The following LEF1 variants were observed in gnomAD, a reference collection of about 807,000 sequenced individuals.
The protein encoded by LEF1 is lymphoid enhancer-binding factor 1.
LEF1 carries 14 observed loss-of-function variants against 51.2 expected under a neutral mutation model. The observed-to-expected ratio is 0.27, with a 90% CI of 0.18 to 0.43. The LOEUF is 0.43. LEF1 is among the 20% of genes least tolerant of loss of function. The probability of loss-of-function intolerance (pLI) is 1.00; values close to 1 mark genes in which losing one functional copy is unlikely to be tolerated. For synonymous variants in LEF1, 185 were observed against 183.2 expected (o/e 1.01, Z -0.08); for missense variants, 386 against 512.0 (o/e 0.75, Z 2.37).
At chr4:108,166,864 T>A (rs1745432126) in intron 1 of LEF1, 1 of 975,604 alleles carries the variant, frequency 1.0e-6, no homozygotes, top group South Asian at 4.7e-5. Context: ...ACAGCCAGGG[T>A]GTACCCTTGC....
chr4:108,066,035 T>C (rs1271448622), intron 9 of LEF1, among the ~76,000 whole-genome samples: 1 of 152,158 alleles, frequency 6.6e-6, no homozygotes, highest in Non-Finnish European at 1.5e-5. Flanking sequence ...CCCAAGTAGC[T>C]GGGATTATAG....
chr4:108,154,410 G>A (rs1744552859), intron 3 of LEF1, among the ~76,000 whole-genome samples: 1 of 123,514 alleles, frequency 8.1e-6, no homozygotes, highest in Non-Finnish European at 1.6e-5. Context: ...ACCCTGTAAG[G>A]TGCCTCGCAC....
chr4:108,053,716 G>A (rs1057218381), intron 11 of LEF1, among the ~76,000 whole-genome samples: 2 of 152,186 alleles, frequency 1.3e-5, no homozygotes, highest in Admixed American at 6.5e-5. Flanking sequence ...CTATTGGTAG[G>A]CCAGACCTCC....
At chr4:108,122,031 AAC>A (rs1024737680) in intron 3 of LEF1, among the ~76,000 whole-genome samples, 1 of 152,208 alleles carries the variant, frequency 6.6e-6, no homozygotes, top group Non-Finnish European at 1.5e-5. Flanking sequence ...GAAGTTTTTT[AAC>A]ACACTATTCA....
chr4:108,099,556 ATGTGTGTGTG>A (rs1245005290), intron 3 of LEF1, among the ~76,000 whole-genome samples: 1 of 49,670 alleles, frequency 2.0e-5, no homozygotes, highest in Non-Finnish European at 4.0e-5. Flanking sequence ...GTGTGTGTGT[ATGTGTGTGTG>A]TGTGTATATA....
At chr4:108,081,189 A>C (rs1739274131) in intron 6 of LEF1, among the ~76,000 whole-genome samples, 1 of 152,148 alleles carries the variant, frequency 6.6e-6, no homozygotes, top group Non-Finnish European at 1.5e-5. Flanking sequence ...TCCACAAAGG[A>C]AGCAAATTAT....
intron 3 of LEF1, among the ~76,000 whole-genome samples, chr4:108,142,456 C>T (rs2110375451): frequency 6.6e-6 from 1 of 152,150 alleles, no homozygotes; most frequent in African/African-American, 2.4e-5. Context: ...TTCCTAAGAA[C>T]ATAATAACCA....
chr4:108,148,995 T>C (rs1744163795), intron 3 of LEF1, among the ~76,000 whole-genome samples: 1 of 152,226 alleles, frequency 6.6e-6, no homozygotes, highest in Non-Finnish European at 1.5e-5. Flanking sequence ...TCTTTACATA[T>C]TAACTTGCAA....
intron 3 of LEF1, among the ~76,000 whole-genome samples, chr4:108,127,382 C>A (rs1742612487): frequency 6.6e-6 from 1 of 152,112 alleles, no homozygotes; most frequent in African/African-American, 2.4e-5. Context: ...ATGTTTACTG[C>A]CTGAATGCTG....
At chr4:108,093,803 G>T (rs887535602) in intron 3 of LEF1, among the ~76,000 whole-genome samples, 2 of 152,146 alleles carry the variant, frequency 1.3e-5, no homozygotes, top group Non-Finnish European at 2.9e-5. Context: ...ATCAAGGATG[G>T]CTGTTTAGGG....
chr4:108,115,594 T>G (rs1294084685), intron 3 of LEF1, among the ~76,000 whole-genome samples: 1 of 151,702 alleles, frequency 6.6e-6, no homozygotes, highest in African/African-American at 2.4e-5. Flanking sequence ...CTGGAAGAGG[T>G]TAAAGAGAGA....
At chr4:108,054,284 A>G (rs1737185619) in intron 11 of LEF1, among the ~76,000 whole-genome samples, 1 of 152,170 alleles carries the variant, frequency 6.6e-6, no homozygotes, top group African/African-American at 2.4e-5. Context: ...GATGTGGGAG[A>G]CGTATGTGCA....
At chr4:108,110,758 A>G (rs1326582942) in intron 3 of LEF1, among the ~76,000 whole-genome samples, 2 of 152,180 alleles carry the variant, frequency 1.3e-5, no homozygotes, top group Admixed American at 6.5e-5. Context: ...AATGAAGATA[A>G]TATCCACCTT....
intron 9 of LEF1, among the ~76,000 whole-genome samples, chr4:108,068,006 G>A (rs752283698): frequency 9.9e-5 from 15 of 152,038 alleles, no homozygotes; most frequent in Middle Eastern, 3.4e-3. Flanking sequence ...GGTGGCTCAC[G>A]CTTATAATCC....
rs986322546 is a variant in LEF1 at position 108,047,586 on chromosome 4, T to A, written c.*1172A>T. On this transcript the variant is annotated 3_prime_UTR_variant, in exon 12 of 12. Coordinates refer to ENST00000265165, the MANE Select transcript of LEF1 (RefSeq NM_016269.5). Reference sequence around the variant, plus strand: ...AAATGTTTTATTACAAAGCTTCTTTTAAAAAAATGCTCAGCACATTAACTC... The same window carrying A: ...AAATGTTTTATTACAAAGCTTCTTTAAAAAAAATGCTCAGCACATTAACTC... 1 of 152,398 alleles carries A rather than the reference T, an allele frequency of 6.6e-6. No homozygotes were observed. The highest frequency in any genetic ancestry group is 1.5e-5 in the Non-Finnish European group (1 of 68,038). 9.4% of individuals were successfully genotyped at this position (152,398 alleles called of 1,614,324 possible).
At chr4:108,063,453 T>C (rs932547589) in intron 11 of LEF1, among the ~76,000 whole-genome samples, 170 bp downstream of exon 11, 2 of 152,210 alleles carry the variant, frequency 1.3e-5, no homozygotes, top group Non-Finnish European at 2.9e-5. Context: ...TGCAAATACA[T>C]AGCCGGTATA....
At chr4:108,102,057 C>T (rs546910815) in intron 3 of LEF1, among the ~76,000 whole-genome samples, 5 of 143,676 alleles carry the variant, frequency 3.5e-5, no homozygotes, top group South Asian at 4.3e-4. Flanking sequence ...GAGTGAAACC[C>T]GGTCTCAAAA....
At chr4:108,076,403 C>T (rs991929636) in intron 8 of LEF1, among the ~76,000 whole-genome samples, 7 of 152,286 alleles carry the variant, frequency 4.6e-5, no homozygotes, top group Admixed American at 2.6e-4. Context: ...GAGTCTCTTT[C>T]TGTTGCCCAG....
chr4:108,121,714 C>A lies in LEF1; in HGVS notation c.415-32457G>T, dbSNP rs1472668247. 2.0e-5 allele frequency among the ~76,000 whole-genome samples: 3 copies of A among 152,316 alleles called. No homozygotes were observed. The East Asian group carries it at 5.8e-4, about 29-fold the overall frequency. Reference sequence around the variant, plus strand: ...TAGCAGCAAAGGCCACTAGTCCCTGCCTGCACTGTGCTACAATCATTCTTC... The same window carrying A: ...TAGCAGCAAAGGCCACTAGTCCCTGACTGCACTGTGCTACAATCATTCTTC... On this transcript the variant is annotated intron_variant, in intron 3 of 11. Coordinates refer to ENST00000265165, the MANE Select transcript of LEF1 (RefSeq NM_016269.5).
Sources: gnomAD v4.1 joint callset for allele counts (sites outside exome capture counted in the v4.1 genomes callset) on GRCh38, gnomAD v4.1.1 for gene constraint, MANE v1.5 for transcripts, NCBI Gene and HGNC (gene_info 2026-07-23, HGNC 2026-07-21) for gene names.